GAD1: variants seen among roughly 807,000 people sequenced by gnomAD.
The protein encoded by GAD1 is glutamate decarboxylase 1, also known as 67 kDa glutamic acid decarboxylase.
GAD1 carries 35 observed loss-of-function variants against 75.2 expected under a neutral mutation model. The observed-to-expected ratio is 0.47, with a 90% CI of 0.36 to 0.62. The LOEUF (loss-of-function observed/expected upper bound fraction) is 0.62, where lower values mean the gene tolerates loss of function less well. GAD1 is among the 20% of genes least tolerant of loss of function. GAD1 has a pLI of 0.00. For missense variants in GAD1, 490 were observed against 758.5 expected (o/e 0.65, Z 4.16); for synonymous variants, 257 against 271.9 (o/e 0.95, Z 0.54).
intron 3 of GAD1, 125 bp downstream of exon 3, chr2:170,822,274 C>A: frequency 1.2e-6 from 1 of 806,472 alleles, no homozygotes; most frequent in Non-Finnish European, 2.1e-6. Flanking sequence ...AATGTAATTA[C>A]AGCCAGGACA....
In GAD1 at chr2:170,860,116, C is replaced by T. The variant is rs1702933101; in HGVS notation, c.*234C>T. The stretch of plus-strand genomic sequence containing the variant: ...AGTATATATGTACAGTTATACATAC[C>T]TCTCTCTATATATACATGTATAGTG... On this transcript the variant is annotated 3_prime_UTR_variant, in exon 17 of 17. Coordinates refer to ENST00000358196, the MANE Select transcript of GAD1 (RefSeq NM_000817.3). The T allele has an allele frequency of 9.6e-6, 5 of 520,172 alleles. No individual in the cohort carries two copies. Among genetic ancestry groups the T allele is most frequent in the Non-Finnish European group, 1.7e-5 (5 of 287,060 alleles). The allele number at this position is 520,172 out of a possible 1,614,324, so 32.2% of individuals were successfully genotyped here. A position where few individuals can be genotyped will look rare whatever the true frequency, so the allele number is the denominator to read the frequency against.
chr2:170,847,246 T>C (rs1423444366), intron 10 of GAD1, among the ~76,000 whole-genome samples: 2 of 152,252 alleles, frequency 1.3e-5, no homozygotes, highest in Non-Finnish European at 2.9e-5. Context: ...GCACAGGTGA[T>C]ATTCAGAACT....
At chr2:170,846,869 G>T (rs1185540621) in intron 10 of GAD1, among the ~76,000 whole-genome samples, 1 of 152,188 alleles carries the variant, frequency 6.6e-6, no homozygotes, top group Non-Finnish European at 1.5e-5. Context: ...ATAGCCAGGT[G>T]TGGTGGTGCA....
intron 3 of GAD1, among the ~76,000 whole-genome samples, chr2:170,826,773 C>T (rs1297866301): frequency 6.6e-6 from 1 of 152,086 alleles, no homozygotes; most frequent in Non-Finnish European, 1.5e-5. Flanking sequence ...TTCAGCTGGG[C>T]AGGACCTCAC....
rs574505468 is a variant in GAD1, at chr2:170,845,769, A to T, written c.931A>T (p.Ile311Leu). The change falls in exon 9 of 17, where the codon ATA (isoleucine) becomes TTA (leucine). Residue 311 changes from isoleucine to leucine, a missense_variant. Physicochemically the swap from Ile to Leu is conservative, Grantham distance 5 (BLOSUM62 2). Around this residue, in one of 3 missense-constraint regions of GAD1, gnomAD observed 324 missense variants for 523.9 expected, o/e 0.62. Transcript: ENST00000358196. ...CTTTGGAACTGACAATGTGATTTTG[A>T]TAAAGTGCAATGAAAGGTAGGCAGG... ...LGFGTDNVIL[I>L]KCNERGKIIP... The T allele has an allele frequency of 1.2e-6, 2 of 1,614,122 alleles. No individual in the cohort carries two copies. Among genetic ancestry groups the T allele is most frequent in the Admixed American group, 3.3e-5 (2 of 60,018 alleles).
chr2:170,827,434 G>A (rs1283963795), intron 3 of GAD1, among the ~76,000 whole-genome samples: 3 of 152,264 alleles, frequency 2.0e-5, no homozygotes, highest in Non-Finnish European at 4.4e-5. Flanking sequence ...TGAAGGAGGA[G>A]AAGCCAAAGG....
At chr2:170,835,663 A>G (rs1702352634) in intron 5 of GAD1, among the ~76,000 whole-genome samples, 1 of 152,202 alleles carries the variant, frequency 6.6e-6, no homozygotes. Flanking sequence ...GTTTTGATAC[A>G]TTATCAAATA....
intron 2 of GAD1, 82 bp from the exon 3 acceptor site, chr2:170,822,005 C>G: frequency 1.7e-6 from 2 of 1,206,580 alleles, no homozygotes; most frequent in Non-Finnish European, 2.4e-6. Context: ...TCATCCTCCC[C>G]CAAGAAAACC....
chr2:170,846,468 A>T (rs977606875), intron 10 of GAD1, among the ~76,000 whole-genome samples: 4 of 152,252 alleles, frequency 2.6e-5, no homozygotes, highest in African/African-American at 9.6e-5. Context: ...GCCCTGGCAG[A>T]TGGCCCATGG....
At position 170,860,177 on chromosome 2, in the gene GAD1, G is replaced by T. The variant is rs953931972; in HGVS notation, c.*295G>T. 2 of 312,570 alleles carry T rather than the reference G, an allele frequency of 6.4e-6. No individual in the cohort carries two copies. The highest frequency in any genetic ancestry group is 4.6e-5 in the Admixed American group (1 of 21,826). The allele number at this position is 312,570 out of a possible 1,614,324, so 19.4% of individuals were successfully genotyped here. On this transcript the variant is annotated 3_prime_UTR_variant, in exon 17 of 17. Transcript: ENST00000358196. Reference sequence around the variant, plus strand: ...AGTAATAGATCACGGCATGTTTCCCGCTCCAAGAGAATTCACTTTACCTTC... The same window carrying T: ...AGTAATAGATCACGGCATGTTTCCCTCTCCAAGAGAATTCACTTTACCTTC...
Position 170,853,725 on chromosome 2 carries a change from G to A in GAD1, c.1264-148G>A. On this transcript the variant is annotated intron_variant, in intron 13 of 16. Transcript: ENST00000358196. The surrounding 1 kb of genome is among the most constrained non-coding windows in gnomAD (Gnocchi z 4.1). ...TTTCCAAGAGTGATTTTAGAAAAGG[G>A]CATCAGAACAAGTGTAAGGCCTCAT... is the stretch of plus-strand genomic sequence containing the variant. 1.4e-6 allele frequency: 1 copy of A among 727,298 alleles called. No individual in the cohort carries two copies. The highest frequency in any genetic ancestry group is 2.4e-6 in the Non-Finnish European group (1 of 417,190). The allele number at this position is 727,298 out of a possible 1,614,324, so 45.1% of individuals were successfully genotyped here.
At chr2:170,816,370 T>C (rs1404017922), upstream of GAD1, 3 of 152,218 alleles carry the variant, frequency 2.0e-5, no homozygotes, top group Admixed American at 6.5e-5. Context: ...CCCAGCTCCG[T>C]AGAGAGCCAA....
chr2:170,818,759 GA>G lies in GAD1; in HGVS notation c.82+88del. The G allele has an allele frequency of 3.9e-6, 5 of 1,286,140 alleles. No individual in the cohort carries two copies. The highest frequency in any genetic ancestry group is 5.7e-6 in the Non-Finnish European group (5 of 881,450). The allele number at this position is 1,286,140 out of a possible 1,614,324, so 79.7% of individuals were successfully genotyped here. On this transcript the variant is annotated intron_variant, in intron 2 of 16. Coordinates refer to ENST00000358196, the MANE Select transcript of GAD1 (RefSeq NM_000817.3). This position sits in a 1 kb window ranked among gnomAD's most constrained non-coding sequence, Gnocchi z 5.9. ...TCGGGAGGCTGAGCTGGCGGAAAGG[GA>G]AGGGGGAGCGCGGAGATAATGGAGG...
intron 2 of GAD1, among the ~76,000 whole-genome samples, chr2:170,821,384 C>A (rs552943721): frequency 7.8e-4 from 119 of 152,238 alleles, no homozygotes; most frequent in Middle Eastern, 6.8e-3. Flanking sequence ...ATTCCATTTA[C>A]CTTTGCCTGC....
chr2:170,813,640 G>T (rs1013458416), upstream of GAD1, among the ~76,000 whole-genome samples: 1 of 151,986 alleles, frequency 6.6e-6, no homozygotes, highest in Admixed American at 6.6e-5. Flanking sequence ...CCGTTTGGGC[G>T]CTCCTTCAAC....
Position 170,852,781 on chromosome 2 carries a change from G to T in GAD1, c.1252G>T (p.Val418Phe), listed in dbSNP as rs143058194. The change falls in exon 13 of 17, where the codon GTC becomes TTC. Residue 418 changes from valine to phenylalanine, a missense_variant. Around this residue, in one of 3 missense-constraint regions of GAD1, gnomAD observed 324 missense variants for 523.9 expected, o/e 0.62. Transcript: ENST00000358196. ...GCTGTTGCAGTGCTCTGCCATTCTC[G>T]TCAAGGAAAAGGTCTGTACTCCCTC... is the stretch of plus-strand genomic sequence containing the variant. ...GVLLQCSAILVKEKGILQGCN... is the reference protein window; with the variant it reads ...GVLLQCSAILFKEKGILQGCN... The T allele has an allele frequency of 4.8e-4, 772 of 1,614,030 alleles. 3 individuals are homozygous for T. Among genetic ancestry groups the T allele is most frequent in the Middle Eastern group, 4.6e-3 (28 of 6,062 alleles).
chr2:170,851,891 A>T (rs904047090), intron 12 of GAD1, among the ~76,000 whole-genome samples: 10 of 152,224 alleles, frequency 6.6e-5, no homozygotes, highest in African/African-American at 2.4e-4. Context: ...CTAATTTAGC[A>T]TTTAAATAAT....
intron 14 of GAD1, among the ~76,000 whole-genome samples, chr2:170,854,397 CTTTTTTT>C (rs71399565): frequency 3.5e-5 from 4 of 112,776 alleles, no homozygotes; most frequent in South Asian, 2.9e-4. Flanking sequence ...ACCTTGAATT[CTTTTTTT>C]TTTTTTTTTT....
chr2:170,827,363 A>C (rs1702049533), intron 3 of GAD1, among the ~76,000 whole-genome samples: 1 of 152,244 alleles, frequency 6.6e-6, no homozygotes, highest in African/African-American at 2.4e-5. Context: ...GTCACCAAGA[A>C]GCTTAGAACC....
Sources: gnomAD v4.1 joint callset for allele counts (sites outside exome capture counted in the v4.1 genomes callset) on GRCh38, gnomAD v4.1.1 for gene constraint, gnomAD v4.1.1 regional missense constraint, Gnocchi (gnomAD v3.1) non-coding constraint, MANE v1.5 for transcripts, NCBI Gene and HGNC (gene_info 2026-07-23, HGNC 2026-07-21) for gene names.